The following RERG variants were observed in gnomAD, a reference collection of about 807,000 sequenced individuals.
RERG encodes the protein RAS like estrogen regulated growth inhibitor.
A neutral mutation model predicts 23.2 loss-of-function variants in RERG; 25 were observed. The observed-to-expected ratio is 1.08, with a 90% CI of 0.79 to 1.50. RERG has a LOEUF of 1.50. Ranked by LOEUF, RERG falls within the 40% of genes most tolerant of loss-of-function variation. The pLI, the probability that RERG is intolerant of heterozygous loss-of-function variation, is 0.00. For missense variants in RERG, 253 were observed against 250.1 expected (o/e 1.01, Z -0.08); for synonymous variants, 81 against 89.1 (o/e 0.91, Z 0.51).
chr12:15,122,788 GTTTT>G (rs894900450), intron 2 of RERG, among the ~76,000 whole-genome samples: 1 of 140,806 alleles, frequency 7.1e-6, no homozygotes, highest in Non-Finnish European at 1.6e-5. Context: ...CTACGTAGTT[GTTTT>G]TTTTTTTGTT....
At chr12:15,172,083 G>C (rs932436012) in intron 2 of RERG, among the ~76,000 whole-genome samples, 22 of 152,024 alleles carry the variant, frequency 1.4e-4, no homozygotes, top group African/African-American at 5.1e-4. Flanking sequence ...TCTAATTTTA[G>C]AATATTTTCA....
intron 4 of RERG, among the ~76,000 whole-genome samples, chr12:15,110,518 G>A (rs142800797): frequency 5.3e-5 from 6 of 113,388 alleles, no homozygotes; most frequent in East Asian, 6.0e-4. Context: ...TCACTCTGTC[G>A]CCCAGGCTGG....
At chr12:15,175,561 G>A (rs1591658654) in intron 2 of RERG, among the ~76,000 whole-genome samples, 1 of 152,036 alleles carries the variant, frequency 6.6e-6, no homozygotes, top group Non-Finnish European at 1.5e-5. Context: ...AGATCCCCAG[G>A]AATATCTTAG....
At chr12:15,168,996 G>GTTGTT (rs1234377432) in intron 2 of RERG, among the ~76,000 whole-genome samples, 72 of 152,162 alleles carry the variant, frequency 4.7e-4, no homozygotes, top group African/African-American at 1.7e-3. Context: ...TTTTGTTGTT[G>GTTGTT]TTGTTTTGTT....
chr12:15,147,094 A>G (rs532508121), intron 2 of RERG, among the ~76,000 whole-genome samples: 89 of 151,932 alleles, frequency 5.9e-4, no homozygotes, highest in Non-Finnish European at 1.1e-3. Flanking sequence ...ATTTAAGGCT[A>G]TGTTTATTTC....
chr12:15,120,133 G>A (rs1656578668), intron 3 of RERG, among the ~76,000 whole-genome samples: 1 of 152,130 alleles, frequency 6.6e-6, no homozygotes, highest in African/African-American at 2.4e-5. Flanking sequence ...AGACAAAAAT[G>A]TTGGGTTTTC....
intron 2 of RERG, among the ~76,000 whole-genome samples, chr12:15,165,447 C>T (rs940559864): frequency 2.0e-5 from 3 of 152,146 alleles, no homozygotes; most frequent in Non-Finnish European, 2.9e-5. Flanking sequence ...AGAAAATATA[C>T]ACTTTATGCT....
At chr12:15,175,815 C>T (rs1256895730) in intron 2 of RERG, among the ~76,000 whole-genome samples, 1 of 152,072 alleles carries the variant, frequency 6.6e-6, no homozygotes, top group African/African-American at 2.4e-5. Context: ...GCAGATAGAA[C>T]ATTCTGTGGA....
intron 2 of RERG, among the ~76,000 whole-genome samples, chr12:15,137,145 T>C (rs1864157392): frequency 6.6e-6 from 1 of 151,848 alleles, no homozygotes; most frequent in African/African-American, 2.4e-5. Context: ...ATTAACCCTT[T>C]TATCATCATG....
At chr12:15,173,037 T>G (rs1864797961) in intron 2 of RERG, among the ~76,000 whole-genome samples, 1 of 152,056 alleles carries the variant, frequency 6.6e-6, no homozygotes, top group South Asian at 2.1e-4. Flanking sequence ...TTGTGTTATA[T>G]CTATAAAAAT....
At chr12:15,118,143 C>T (rs757669489) in intron 3 of RERG, among the ~76,000 whole-genome samples, 15 of 152,120 alleles carry the variant, frequency 9.9e-5, no homozygotes, top group Non-Finnish European at 1.9e-4. Flanking sequence ...CCCCCTCCCC[C>T]ATTTCCTTCC....
intron 2 of RERG, among the ~76,000 whole-genome samples, chr12:15,212,639 G>A (rs902759860): frequency 2.6e-5 from 4 of 152,002 alleles, no homozygotes; most frequent in South Asian, 2.1e-4. Context: ...GGGAAAAATT[G>A]GTATATAGCT....
At chr12:15,175,019 CTTT>C (rs1320566684) in intron 2 of RERG, among the ~76,000 whole-genome samples, 1 of 151,974 alleles carries the variant, frequency 6.6e-6, no homozygotes, top group Non-Finnish European at 1.5e-5. Flanking sequence ...TTCTTTCTTG[CTTT>C]TTTATGTGTC....
chr12:15,212,751 T>C (rs1201864819), intron 2 of RERG, among the ~76,000 whole-genome samples: 4 of 152,166 alleles, frequency 2.6e-5, no homozygotes, highest in Non-Finnish European at 5.9e-5. Flanking sequence ...TTTTATTATA[T>C]ATATGTGAGA....
At chr12:15,117,532 C>T (rs1271679782) in intron 3 of RERG, among the ~76,000 whole-genome samples, 1 of 152,132 alleles carries the variant, frequency 6.6e-6, no homozygotes, top group Non-Finnish European at 1.5e-5. Context: ...ACTAGTGGGT[C>T]TAACGTCTCC....
At chr12:15,126,058 T>A (rs1418675189) in intron 2 of RERG, among the ~76,000 whole-genome samples, 1 of 147,830 alleles carries the variant, frequency 6.8e-6, no homozygotes, top group Non-Finnish European at 1.5e-5. Context: ...AGCTTAAGAG[T>A]CTTACTAATG....
intron 2 of RERG, among the ~76,000 whole-genome samples, chr12:15,124,827 A>G (rs1336601460): frequency 1.3e-5 from 2 of 151,836 alleles, no homozygotes; most frequent in Non-Finnish European, 2.9e-5. Flanking sequence ...TAAAATGGCC[A>G]GGACAGATTT....
chr12:15,145,996 C>T (rs1326040955), intron 2 of RERG, among the ~76,000 whole-genome samples: 1 of 152,138 alleles, frequency 6.6e-6, no homozygotes, highest in East Asian at 1.9e-4. Context: ...TTTACAAGCC[C>T]TTTGGGAGAA....
At chr12:15,134,527 G>C (rs545167024) in intron 2 of RERG, among the ~76,000 whole-genome samples, 87 of 152,110 alleles carry the variant, frequency 5.7e-4, no homozygotes, top group African/African-American at 2.0e-3. Context: ...TATAAAACTT[G>C]AAGTCAGTCC....
Sources: gnomAD v4.1 joint callset for allele counts (sites outside exome capture counted in the v4.1 genomes callset) on GRCh38, gnomAD v4.1.1 for gene constraint, MANE v1.5 for transcripts, NCBI Gene and HGNC (gene_info 2026-07-23, HGNC 2026-07-21) for gene names.